Variants in APOB observed in about 807,000 individuals in gnomAD.
APOB encodes the protein apolipoprotein B.
In APOB, 153 loss-of-function variants were observed where a neutral mutation model predicts 314.1. That is an observed-to-expected ratio of 0.49 (90% confidence interval 0.43 to 0.56). The LOEUF (loss-of-function observed/expected upper bound fraction) is 0.56. APOB is among the 20% of genes least tolerant of loss of function. APOB has a pLI of 0.00. For synonymous variants in APOB, 2,087 were observed against 2,036.4 expected (o/e 1.02, Z -0.67); for missense variants, 5,430 against 5,350.7 (o/e 1.01, Z -0.46).
At position 21,008,419 on chromosome 2, in the gene APOB, G is replaced by T. The variant is rs747483068; in HGVS notation, c.8449C>A (p.Pro2817Thr). Residue 2817 changes from proline (P) to threonine (T), a missense_variant, in exon 26 of 29, where the codon CCT (proline) becomes ACT (threonine). Coordinates refer to ENST00000233242, the MANE Select transcript of APOB (RefSeq NM_000384.3). ...DFQANAQLSN[P>T]KINPLALKES... is the part of the protein sequence containing the mutation. ...TTCAGAGCCAGCGGATTAATCTTAG[G>T]GTTTGAGAGTTGTGCATTTGCTTGA... The T allele has an allele frequency of 1.2e-6, 2 of 1,613,996 alleles. No homozygotes were observed. Among genetic ancestry groups the T allele is most frequent in the East Asian group, 2.2e-5 (1 of 44,872 alleles).
In APOB at chr2:21,043,896, AG is replaced by A; in HGVS notation, c.49del (p.Leu17CysfsTer76). 1 of 1,430,428 alleles carries A rather than the reference AG, an allele frequency of 7.0e-7. No individual in the cohort carries two copies. 88.6% of individuals were successfully genotyped at this position (1,430,428 alleles called of 1,614,324 possible). The part of the protein sequence containing the change: ...ALLALLALPA[L>X]LLLLLAGARA... ...GGCGCCCGCCAGCAGCAGCAGCAGC[AG>A]CGCAGGCAGCGCCAGCAGCGCCAGC... is the stretch of plus-strand genomic sequence containing the variant. On this transcript the variant is annotated frameshift_variant, in exon 1 of 29. Transcript: ENST00000233242. LOFTEE classifies it high-confidence loss of function.
rs371083133 is a variant in APOB at position 21,013,328 on chromosome 2, C to T, written c.4048G>A (p.Val1350Met). The stretch of plus-strand genomic sequence containing the variant: ...AGGTCTAGAACACCCAGGAGAGGCA[C>T]TTGCAGTTGATACAACTTGGGAATG... ...FTIPKLYQLQ[V>M]PLLGVLDLST... is the part of the protein sequence containing the mutation. The change falls in exon 25 of 29, where the codon GTG (valine) becomes ATG (methionine). Residue 1350 changes from valine to methionine, a missense_variant. Around this residue, in one of 3 missense-constraint regions of APOB, gnomAD observed 2,085 missense variants for 2,079.7 expected, o/e 1.00. Coordinates refer to ENST00000233242, the MANE Select transcript of APOB (RefSeq NM_000384.3). 8.1e-6 allele frequency: 13 copies of T among 1,614,066 alleles called. No individual in the cohort carries two copies. Among genetic ancestry groups the T allele is most frequent in the African/African-American group, 5.3e-5 (4 of 74,928 alleles).
Position 21,011,232 on chromosome 2 carries a change from A to C in APOB, c.5636T>G (p.Ile1879Ser), listed in dbSNP as rs963000267. 2.5e-6 allele frequency: 4 copies of C among 1,614,218 alleles called. No individual in the cohort carries two copies. The highest frequency in any genetic ancestry group is 2.5e-6 in the Non-Finnish European group (3 of 1,180,038). The change falls in exon 26 of 29, where the codon ATT becomes AGT. Residue 1879 changes from isoleucine (I) to serine (S), a missense_variant. Physicochemically the swap from Ile to Ser is moderately radical, Grantham distance 142 (BLOSUM62 -2). Transcript: ENST00000233242. ...TGAATTATAGTTTGTGCTCATGTCA[A>C]TGGCTGAAGCCAGCCCAGCGATGTC... ...NTDIAGLASA[I>S]DMSTNYNSDS...
At chr2:21,021,105 C>T (rs1663595413) in intron 18 of APOB, among the ~76,000 whole-genome samples, 1 of 152,238 alleles carries the variant, frequency 6.6e-6, no homozygotes, top group Non-Finnish European at 1.5e-5. Context: ...AGCTAGATTT[C>T]TAAACTGGTT....
chr2:21,042,940 G>A (rs1664167041), intron 2 of APOB, among the ~76,000 whole-genome samples: 1 of 150,814 alleles, frequency 6.6e-6, no homozygotes. Context: ...AATTTCTGGA[G>A]GTTTCCACTG....
rs1463323308 is a variant in APOB at position 21,043,452 on chromosome 2, CG to C, written c.121+60del. On this transcript the variant is annotated intron_variant, in intron 2 of 28. Transcript: ENST00000233242. ...GTAGAGTGGGAGGCCCTCAGGGACC[CG>C]GGTGTAGGAGAGTGCACGGGGCTGG... 1.6e-5 allele frequency: 25 copies of C among 1,556,910 alleles called. 1 individual carries two copies. Among genetic ancestry groups the C allele is most frequent in the Non-Finnish European group, 2.1e-5 (24 of 1,147,164 alleles).
chr2:21,028,535 G>T lies in APOB; in HGVS notation c.1621C>A (p.Gln541Lys). The change falls in exon 13 of 29, where the codon CAG becomes AAG. Residue 541 changes from glutamine to lysine, a missense_variant. Coordinates refer to ENST00000233242, the MANE Select transcript of APOB (RefSeq NM_000384.3). The part of the protein sequence containing the change: ...LRKMEPKDKD[Q>K]EVLLQTFLDD... Reference sequence around the variant, plus strand: ...AGGAAAGTCTGAAGAAGAACCTCCTGGTCCTGCAGTCAAAAGAGGAGATGG... The same window carrying T: ...AGGAAAGTCTGAAGAAGAACCTCCTTGTCCTGCAGTCAAAAGAGGAGATGG... 1 of 1,609,106 alleles carries T rather than the reference G, an allele frequency of 6.2e-7. No homozygotes were observed.
At position 21,035,701 on chromosome 2, in the gene APOB, G is replaced by C. The variant is rs200353509; in HGVS notation, c.701C>G (p.Pro234Arg). 1.7e-5 allele frequency: 28 copies of C among 1,614,056 alleles called. No individual in the cohort carries two copies. The highest frequency in any genetic ancestry group is 2.1e-5 in the Non-Finnish European group (25 of 1,180,028). ...PLALIKGMTR[P>R]LSTLISSSQS... is the part of the protein sequence containing the mutation. ...GCTGCTGCTGATCAGAGTTGACAAG[G>C]GGCGGGTCTATGAAAGAGATTGGAG... Residue 234 changes from proline (P) to arginine (R), a missense_variant, in exon 7 of 29, where the codon CCC becomes CGC. This residue lies in a region of APOB where 2,085 missense variants were observed against 2,079.7 expected (regional missense o/e 1.00). Coordinates refer to ENST00000233242, the MANE Select transcript of APOB (RefSeq NM_000384.3).
Position 21,042,384 on chromosome 2 carries a change from T to C in APOB, c.214A>G (p.Ser72Gly), listed in dbSNP as rs572869977. Reference sequence around the variant, plus strand: ...ACCTTGCAGTTGATCCTGGTGGCACTTCTTGAATCAGCAGTCCCAGGGACT... The same window carrying C: ...ACCTTGCAGTTGATCCTGGTGGCACCTCTTGAATCAGCAGTCCCAGGGACT... ...SGVPGTADSR[S>G]ATRINCKVEL... Residue 72 changes from serine (S) to glycine (G), a missense_variant, in exon 3 of 29, where the codon AGT becomes GGT. Ser to Gly is a moderately conservative substitution (Grantham distance 56, BLOSUM62 0). Transcript: ENST00000233242. The C allele has an allele frequency of 6.2e-7, 1 of 1,614,022 alleles. No homozygotes were observed. The highest frequency in any genetic ancestry group is 1.7e-5 in the Admixed American group (1 of 60,026).
intron 4 of APOB, 41 bp from the exon 5 acceptor site, chr2:21,038,152 A>C: frequency 1.2e-6 from 2 of 1,611,440 alleles, no homozygotes; most frequent in Non-Finnish European, 1.7e-6. Flanking sequence ...GTCCTTCTCC[A>C]TTACAACTTG....
rs1409835427 is a variant in APOB, at chr2:21,002,330, T to C, written c.13092A>G (p.Gln4364=). 1 of 1,612,554 alleles carries C rather than the reference T, an allele frequency of 6.2e-7. No individual in the cohort carries two copies. The highest frequency in any genetic ancestry group is 8.5e-7 in the Non-Finnish European group (1 of 1,179,622). ...CTTGAGAAGCTTCCTGAAGCTCGTT[T>C]TGAATAAATTCATTGAACTTATGAA... The part of the protein sequence containing the change: ...LNLHKFNEFI[Q]NELQEASQEL... Residue 4364 remains glutamine, a synonymous_variant, in exon 29 of 29, where the codon CAA becomes CAG. Coordinates refer to ENST00000233242, the MANE Select transcript of APOB (RefSeq NM_000384.3).
chr2:21,030,719 CG>C (rs1382986909), intron 10 of APOB, among the ~76,000 whole-genome samples: 1 of 151,966 alleles, frequency 6.6e-6, no homozygotes, highest in East Asian at 1.9e-4. Context: ...TACTAATATC[CG>C]GAATGTACAA....
chr2:21,040,494 C>T (rs1664103586), intron 4 of APOB, among the ~76,000 whole-genome samples: 1 of 152,172 alleles, frequency 6.6e-6, no homozygotes, highest in South Asian at 2.1e-4. Context: ...CGTGCAGTGG[C>T]TGAATGCCAG....
In APOB at chr2:21,010,347, A is replaced by G; in HGVS notation, c.6521T>C (p.Leu2174Pro). The G allele has an allele frequency of 6.4e-7, 1 of 1,572,756 alleles. No individual in the cohort carries two copies. Among genetic ancestry groups the G allele is most frequent in the Non-Finnish European group, 8.6e-7 (1 of 1,158,024 alleles). Reference sequence around the variant, plus strand: ...ATCAAATTGTATCATATATGTCTGCAGTTGAGATAGTTTTTCATTAAAGTT... The same window carrying G: ...ATCAAATTGTATCATATATGTCTGCGGTTGAGATAGTTTTTCATTAAAGTT... ...KINFNEKLSQ[L>P]QTYMIQFDQY... Residue 2174 changes from leucine (L) to proline (P), a missense_variant, in exon 26 of 29, where the codon CTG becomes CCG. Coordinates refer to ENST00000233242, the MANE Select transcript of APOB (RefSeq NM_000384.3).
intron 7 of APOB, 130 bp downstream of exon 7, chr2:21,035,454 A>G: frequency 8.3e-7 from 1 of 1,210,156 alleles, no homozygotes; most frequent in Non-Finnish European, 1.2e-6. Flanking sequence ...GGGGACAGGG[A>G]GGGGCGGCAT....
chr2:21,030,553 G>A (rs1417603216), intron 10 of APOB, among the ~76,000 whole-genome samples: 12 of 152,224 alleles, frequency 7.9e-5, no homozygotes, highest in African/African-American at 1.4e-4. Context: ...CAAAGAATTC[G>A]TGAATAAGAC....
intron 4 of APOB, among the ~76,000 whole-genome samples, chr2:21,038,398 G>A (rs569472006): frequency 9.1e-4 from 138 of 151,584 alleles, no homozygotes; most frequent in African/African-American, 3.1e-3. Flanking sequence ...GTGCAATGGC[G>A]CAACCTCAGC....
chr2:21,042,474 C>A lies in APOB; in HGVS notation c.124G>T (p.Asp42Tyr), dbSNP rs748171850. The A allele has an allele frequency of 1.2e-6, 2 of 1,613,600 alleles. No individual in the cohort carries two copies. Among genetic ancestry groups the A allele is most frequent in the South Asian group, 2.2e-5 (2 of 91,082 alleles). The change falls in exon 3 of 29, where the codon GAT (aspartate) becomes TAT (tyrosine). Residue 42 changes from aspartate to tyrosine, a missense_variant and splice_region_variant. By Grantham distance (160) the Asp-to-Tyr change is radical (BLOSUM62 -3). This residue lies in a region of APOB where 2,085 missense variants were observed against 2,079.7 expected (regional missense o/e 1.00). Coordinates refer to ENST00000233242, the MANE Select transcript of APOB (RefSeq NM_000384.3). ...CGGAGGTGCTTGAATCGGGTCGCAT[C>A]TTCTAACGTGGGGAGAAATACGTCA... ...LENVSLVCPK[D>Y]ATRFKHLRKY...
At position 21,013,185 on chromosome 2, in the gene APOB, A is replaced by G; in HGVS notation, c.4191T>C (p.Val1397=). The change falls in exon 25 of 29, where the codon GTT becomes GTC. Residue 1397 remains valine, a synonymous_variant. Transcript: ENST00000233242. ...CTTGCACATTGTAGGAAAGCAGGTC[A>G]ACCACAGAGTCAGCCTTCATGTGGT... is the stretch of plus-strand genomic sequence containing the variant. ...ARYHMKADSV[V]DLLSYNVQGS... 6.2e-7 allele frequency: 1 copy of G among 1,614,090 alleles called. No homozygotes were observed. Among genetic ancestry groups the G allele is most frequent in the Non-Finnish European group, 8.5e-7 (1 of 1,179,994 alleles).
Sources: allele counts gnomAD v4.1 joint callset (sites outside exome capture counted in the v4.1 genomes callset), GRCh38; gene constraint gnomAD v4.1.1; regional missense constraint gnomAD v4.1.1; transcripts MANE v1.5; gene names NCBI Gene and HGNC (gene_info 2026-07-23, HGNC 2026-07-21).